CFAP47: variants seen among roughly 807,000 people sequenced by gnomAD.
CFAP47 encodes cilia and flagella associated protein 47, also known as cilia- and flagella-associated protein 47.
CFAP47 carries 29 observed loss-of-function variants against 148.1 expected under a neutral mutation model. The observed-to-expected ratio is 0.20, with a 90% CI of 0.15 to 0.27. The LOEUF (loss-of-function observed/expected upper bound fraction) is 0.27. Ranked by LOEUF, CFAP47 falls within the 10% of genes least tolerant of loss-of-function variation. CFAP47 has a pLI of 1.00. For synonymous variants in CFAP47, 664 were observed against 577.3 expected (o/e 1.15, Z -2.15); for missense variants, 1,872 against 1,697.5 (o/e 1.10, Z -1.81).
At chrX:36,097,773 T>C (rs1266539226) in intron 30 of CFAP47, among the ~76,000 whole-genome samples, 1 of 111,798 alleles carries the variant, frequency 8.9e-6, no homozygotes, top group African/African-American at 3.2e-5. Context: ...GGTAGTCTTC[T>C]GTGGGTTAAC....
At position 36,177,656 on chromosome X, in the gene CFAP47, T is replaced by A. The variant is rs992214915; in HGVS notation, c.6027-1689T>A. On this transcript the variant is annotated intron_variant, in intron 39 of 63. Coordinates refer to ENST00000378653, the MANE Select transcript of CFAP47 (RefSeq NM_001304548.2). ...TTGTCTGTTTAAAAATTTTTAGTAT[T>A]TAATATTCACATAATTCTTTATAAT... Among the ~76,000 whole-genome samples the A allele has an allele frequency of 3.0e-4, 34 of 112,351 alleles. 1 individual carries two copies. The highest frequency in any genetic ancestry group is 9.3e-3 in the Middle Eastern group (2 of 214).
At chrX:36,370,230 C>T (rs1333819875) in intron 62 of CFAP47, among the ~76,000 whole-genome samples, 10 of 108,417 alleles carry the variant, frequency 9.2e-5, no homozygotes, top group African/African-American at 1.3e-4. Flanking sequence ...AGGTATTTCT[C>T]CTAACACTAT....
intron 13 of CFAP47, among the ~76,000 whole-genome samples, chrX:35,973,126 G>T (rs1289317439): frequency 1.8e-5 from 2 of 112,202 alleles, no homozygotes; most frequent in African/African-American, 6.5e-5. Context: ...CTTACTTAGA[G>T]AAATGTCTAT....
chrX:35,998,414 A>G (rs752608844), intron 19 of CFAP47, among the ~76,000 whole-genome samples: 2 of 111,366 alleles, frequency 1.8e-5, no homozygotes, highest in Non-Finnish European at 3.8e-5. Context: ...TCATTGTGAC[A>G]TTTATAAGGT....
chrX:35,968,401 A>G (rs896935266), intron 10 of CFAP47, among the ~76,000 whole-genome samples: 1 of 111,618 alleles, frequency 9.0e-6, no homozygotes, highest in Non-Finnish European at 1.9e-5. Flanking sequence ...CCAAATCTCA[A>G]ATAAATTACT....
chrX:36,047,134 G>T, intron 26 of CFAP47, 71 bp downstream of exon 26: 1 of 727,241 alleles, frequency 1.4e-6, no homozygotes, highest in Non-Finnish European at 2.0e-6. Flanking sequence ...TTACACCATG[G>T]TAAAATGTTA....
chrX:35,951,169 T>C lies in CFAP47; in HGVS notation c.695T>C (p.Ile232Thr). Residue 232 changes from isoleucine (I) to threonine (T), a missense_variant, in exon 5 of 64, where the codon ATC (isoleucine) becomes ACC (threonine). By Grantham distance (89) the Ile-to-Thr change is moderately conservative (BLOSUM62 -1). Coordinates refer to ENST00000378653, the MANE Select transcript of CFAP47 (RefSeq NM_001304548.2). ...LQGQPEMLLS[I>T]KAHVVEQIIE... Reference sequence around the variant, plus strand: ...GGTCAACCTGAGATGCTCTTGAGTATCAAAGCTCATGTGGTTGAGCAGATT... The same window carrying C: ...GGTCAACCTGAGATGCTCTTGAGTACCAAAGCTCATGTGGTTGAGCAGATT... 1 of 1,211,284 alleles carries C rather than the reference T, an allele frequency of 8.3e-7. No individual in the cohort carries two copies. Among genetic ancestry groups the C allele is most frequent in the Non-Finnish European group, 1.1e-6 (1 of 894,925 alleles).
At chrX:36,179,205 A>G (rs759037719) in intron 39 of CFAP47, 140 bp from the exon 40 acceptor site, 2 of 269,537 alleles carry the variant, frequency 7.4e-6, no homozygotes, top group East Asian at 5.3e-5. Context: ...ATGAAAGCAC[A>G]TGGATTTTTT....
chrX:36,207,169 G>A (rs1378304000), intron 45 of CFAP47, among the ~76,000 whole-genome samples: 1 of 112,167 alleles, frequency 8.9e-6, no homozygotes, highest in East Asian at 2.8e-4. Context: ...TTTAATAAAT[G>A]CAATTCTATT....
At chrX:36,064,868 C>T (rs1937623514) in intron 26 of CFAP47, among the ~76,000 whole-genome samples, 1 of 111,813 alleles carries the variant, frequency 8.9e-6, no homozygotes, top group Non-Finnish European at 1.9e-5. Flanking sequence ...GGTTGGTAAA[C>T]ATAATAAGAC....
chrX:36,179,251 G>A, intron 39 of CFAP47, 94 bp from the exon 40 acceptor site: 1 of 279,989 alleles, frequency 3.6e-6, no homozygotes, highest in Non-Finnish European at 6.3e-6. Flanking sequence ...AGGATATTTT[G>A]TGAATGATAG....
intron 42 of CFAP47, among the ~76,000 whole-genome samples, chrX:36,191,916 G>A (rs1555986544): frequency 9.0e-6 from 1 of 110,827 alleles, no homozygotes; most frequent in East Asian, 2.9e-4. Context: ...CTGGAAGGTG[G>A]AGGCTGCAGT....
intron 62 of CFAP47, among the ~76,000 whole-genome samples, chrX:36,373,382 T>G (rs1372383089): frequency 9.0e-6 from 1 of 111,430 alleles, no homozygotes; most frequent in Non-Finnish European, 1.9e-5. Flanking sequence ...ATGTTGATTT[T>G]TCATCCATCA....
At chrX:36,194,830 C>T (rs1312583488) in intron 42 of CFAP47, among the ~76,000 whole-genome samples, 1 of 111,735 alleles carries the variant, frequency 8.9e-6, no homozygotes, top group Non-Finnish European at 1.9e-5. Flanking sequence ...CCTCCAACTT[C>T]GGGAAATACA....
intron 11 of CFAP47, among the ~76,000 whole-genome samples, chrX:35,971,163 T>C (rs1338494618): frequency 8.9e-6 from 1 of 112,183 alleles, no homozygotes; most frequent in African/African-American, 3.2e-5. Context: ...CCAGTGCCTA[T>C]GATTTATGGA....
intron 39 of CFAP47, among the ~76,000 whole-genome samples, chrX:36,168,573 A>T (rs1442470264): frequency 9.2e-6 from 1 of 108,960 alleles, no homozygotes; most frequent in Non-Finnish European, 1.9e-5. Flanking sequence ...TTTTACGCTT[A>T]TTTTTTTTTG....
intron 49 of CFAP47, among the ~76,000 whole-genome samples, chrX:36,277,443 G>T (rs1481565884): frequency 8.9e-6 from 1 of 112,259 alleles, no homozygotes. Flanking sequence ...GCATTGGACA[G>T]TGAGGACATA....
rs144001161 is a variant in CFAP47, at chrX:36,085,497, T to A, written c.4875T>A (p.Ile1625=). ...TAGATAACCATGAAAAAAGGGTAAT[T>A]CAACTCCATTTGCAACATTCCTCAC... ...LPVDNHEKRV[I]QLHLQHSSLL... is the part of the protein sequence containing the mutation. The change falls in exon 30 of 64, where the codon ATT becomes ATA. Residue 1625 remains isoleucine (I), a synonymous_variant. Coordinates refer to ENST00000378653, the MANE Select transcript of CFAP47 (RefSeq NM_001304548.2). The A allele has an allele frequency of 1.5e-5, 18 of 1,200,213 alleles. No individual in the cohort carries two copies. In the African/African-American group the frequency reaches 1.9e-4, roughly 13 times the overall value.
chrX:36,384,337 T>C (rs1254520262), intron 63 of CFAP47, among the ~76,000 whole-genome samples: 1 of 109,293 alleles, frequency 9.1e-6, no homozygotes, highest in Non-Finnish European at 1.9e-5. Context: ...TGAGACCCTG[T>C]CTAAAAAATA....
Sources: gnomAD v4.1 joint callset for allele counts (sites outside exome capture counted in the v4.1 genomes callset) on GRCh38, gnomAD v4.1.1 for gene constraint, MANE v1.5 for transcripts, NCBI Gene and HGNC (gene_info 2026-07-23, HGNC 2026-07-21) for gene names.